KIAA1549: variants seen among roughly 807,000 people sequenced by gnomAD.
KIAA1549 encodes the protein UPF0606 protein KIAA1549.
Under a neutral mutation model 156.4 loss-of-function variants are expected in KIAA1549, and 70 were observed. The observed-to-expected ratio is 0.45, with a 90% CI of 0.37 to 0.55. KIAA1549 has a LOEUF of 0.55. Ranked by LOEUF, KIAA1549 falls within the 20% of genes least tolerant of loss-of-function variation. The pLI, the probability that KIAA1549 is intolerant of heterozygous loss-of-function variation, is 0.00. For synonymous variants in KIAA1549, 1,103 were observed against 1,066.4 expected (o/e 1.03, Z -0.67); for missense variants, 2,428 against 2,540.9 (o/e 0.96, Z 0.96).
chr7:138,889,464 C>G (rs1327152558), intron 10 of KIAA1549, among the ~76,000 whole-genome samples: 1 of 152,202 alleles, frequency 6.6e-6, no homozygotes, highest in African/African-American at 2.4e-5. Context: ...GCTAAGAATT[C>G]TAAGGCATCA....
At chr7:138,891,297 C>G (rs536291382) in intron 10 of KIAA1549, among the ~76,000 whole-genome samples, 1 of 152,336 alleles carries the variant, frequency 6.6e-6, no homozygotes, top group African/African-American at 2.4e-5. Context: ...TAGAAGCAAC[C>G]AAGGGCAGTC....
intron 9 of KIAA1549, among the ~76,000 whole-genome samples, chr7:138,897,138 A>C (rs1811704840): frequency 6.6e-6 from 1 of 152,218 alleles, no homozygotes; most frequent in Admixed American, 6.5e-5. Context: ...TAGCTGTTTA[A>C]AATGTCAAGT....
intron 12 of KIAA1549, among the ~76,000 whole-genome samples, chr7:138,874,587 A>G (rs1377682911): frequency 6.6e-6 from 1 of 152,218 alleles, no homozygotes; most frequent in Non-Finnish European, 1.5e-5. Flanking sequence ...TAAACACTGC[A>G]CTGTTCTCAC....
chr7:138,907,525 G>A (rs959157515), intron 5 of KIAA1549, among the ~76,000 whole-genome samples: 2 of 152,196 alleles, frequency 1.3e-5, no homozygotes, highest in African/African-American at 4.8e-5. Flanking sequence ...CTGCAGCAGA[G>A]CCAAGGGCCA....
chr7:138,896,036 T>C (rs185111157), intron 9 of KIAA1549, among the ~76,000 whole-genome samples: 1 of 147,788 alleles, frequency 6.8e-6, no homozygotes, highest in Non-Finnish European at 1.5e-5. Flanking sequence ...CTCGGCCACT[T>C]CATGTCCTTC....
At chr7:138,909,271 T>A in intron 4 of KIAA1549, 150 bp from the exon 5 acceptor site, 1 of 807,962 alleles carries the variant, frequency 1.2e-6, no homozygotes, top group Non-Finnish European at 1.9e-6. Flanking sequence ...CTACGTATTT[T>A]CTCACGGAAA....
Position 138,918,568 on chromosome 7 carries a change from G to C in KIAA1549, c.1058C>G (p.Ala353Gly), listed in dbSNP as rs768378359. Residue 353 changes from alanine to glycine, a missense_variant, in exon 2 of 20, where the codon GCA becomes GGA. Transcript: ENST00000422774. The surrounding 1 kb of genome is among the most constrained non-coding windows in gnomAD (Gnocchi z 4.2). ...CAATGGAGAATGTGTCCTGCTGAAT[G>C]CAAGGGCTGCGTGCGATGCAGTCAC... ...PTVTASHAAL[A>G]FSRTHSPLLS... 7 of 1,613,940 alleles carry C rather than the reference G, an allele frequency of 4.3e-6. No homozygotes were observed. The South Asian group carries it at 7.7e-5, about 18-fold the overall frequency.
intron 1 of KIAA1549, among the ~76,000 whole-genome samples, chr7:138,964,355 C>A (rs1813950291): frequency 6.6e-6 from 1 of 152,164 alleles, no homozygotes; most frequent in Admixed American, 6.5e-5. Context: ...CACATGCCCA[C>A]CCCCAGGGTG....
intron 1 of KIAA1549, among the ~76,000 whole-genome samples, chr7:138,924,209 G>C (rs1169218161): frequency 7.6e-6 from 1 of 130,784 alleles, no homozygotes; most frequent in African/African-American, 2.9e-5. Flanking sequence ...TTTTTTTTTG[G>C]ATGTTCTTTT....
At position 138,973,333 on chromosome 7, in the gene KIAA1549, AT is replaced by A. The variant is rs140450175; in HGVS notation, c.187+7749del. Among the ~76,000 whole-genome samples, 1,253 of 152,332 alleles carry A rather than the reference AT, an allele frequency of 8.2e-3. 26 individuals carry two copies. The highest frequency in any genetic ancestry group is 0.029 in the African/African-American group (1,200 of 41,556). ...CTGTTTCAGTAGAGCTGGCTTGACC[AT>A]GAGTTGGGTTTTTAACAGGTGATTC... On this transcript the variant is annotated intron_variant, in intron 1 of 19. Coordinates refer to ENST00000422774, the MANE Select transcript of KIAA1549 (RefSeq NM_001164665.2).
chr7:138,840,053 G>C, intron 19 of KIAA1549, 80 bp downstream of exon 19: 1 of 1,309,670 alleles, frequency 7.6e-7, no homozygotes. Flanking sequence ...GCCTCCCAAA[G>C]TGCTGGGATT....
At chr7:138,838,278 T>A in intron 19 of KIAA1549, 118 bp from the exon 20 acceptor site, 1 of 1,058,452 alleles carries the variant, frequency 9.4e-7, no homozygotes, top group Non-Finnish European at 1.3e-6. Context: ...AACTCAGCCC[T>A]CTAACAGGGC....
chr7:138,861,384 A>G lies in KIAA1549; in HGVS notation c.5002T>C (p.Phe1668Leu), dbSNP rs756102974. 1 of 1,611,628 alleles carries G rather than the reference A, an allele frequency of 6.2e-7. No homozygotes were observed. Among genetic ancestry groups the G allele is most frequent in the Non-Finnish European group, 8.5e-7 (1 of 1,179,226 alleles). ...VELGRYPALP[F>L]PASQYIPPQP... is the part of the protein sequence containing the mutation. ...GGTGGGATGTACTGGGAGGCCGGGA[A>G]GGGAAGGGCTGGATACCTCCCCAGT... Residue 1668 changes from phenylalanine to leucine, a missense_variant, in exon 16 of 20, where the codon TTC (phenylalanine) becomes CTC (leucine). Around this residue, in one of 5 missense-constraint regions of KIAA1549, gnomAD observed 404 missense variants for 417.0 expected, o/e 0.97. Coordinates refer to ENST00000422774, the MANE Select transcript of KIAA1549 (RefSeq NM_001164665.2).
At chr7:138,971,907 T>C (rs113393991) in intron 1 of KIAA1549, among the ~76,000 whole-genome samples, 3,283 of 152,158 alleles carry the variant, frequency 0.022, 62 homozygotes, top group Non-Finnish European at 0.029. Flanking sequence ...ATGAAAACCA[T>C]GGGGGCCACT....
chr7:138,932,672 G>A (rs1433760831), intron 1 of KIAA1549, among the ~76,000 whole-genome samples: 4 of 152,164 alleles, frequency 2.6e-5, no homozygotes, highest in African/African-American at 9.7e-5. Flanking sequence ...GATGACAGCG[G>A]CTTAGAGTGG....
At chr7:138,900,212 CACTGTGA>C (rs1177664726) in intron 8 of KIAA1549, among the ~76,000 whole-genome samples, 1 of 152,212 alleles carries the variant, frequency 6.6e-6, no homozygotes, top group Non-Finnish European at 1.5e-5. Context: ...TTCACGATTT[CACTGTGA>C]ACTCCTTCTT....
In KIAA1549 at chr7:138,911,128, T is replaced by A; in HGVS notation, c.3145+18A>T. On this transcript the variant is annotated intron_variant, in intron 4 of 19. Transcript: ENST00000422774. ...AATTCTTTTTACAAATAAAAACAAC[T>A]ATGCTGAGCTGTCTCACCTGTTTGA... The A allele has an allele frequency of 6.8e-7, 1 of 1,462,486 alleles. No individual in the cohort carries two copies. Among genetic ancestry groups the A allele is most frequent in the Non-Finnish European group, 9.1e-7 (1 of 1,097,766 alleles). The allele number at this position is 1,462,486 out of a possible 1,614,324, so 90.6% of individuals were successfully genotyped here. A position where few individuals can be genotyped will look rare whatever the true frequency, so the allele number is the denominator to read the frequency against.
chr7:138,849,284 C>T (rs1423851941), intron 17 of KIAA1549, among the ~76,000 whole-genome samples: 1 of 151,980 alleles, frequency 6.6e-6, no homozygotes, highest in Admixed American at 6.6e-5. Context: ...CTTCCATCTA[C>T]TTCCTTTACA....
intron 9 of KIAA1549, among the ~76,000 whole-genome samples, chr7:138,894,964 C>A (rs1294117442): frequency 1.3e-5 from 2 of 152,200 alleles, no homozygotes; most frequent in African/African-American, 2.4e-5. Flanking sequence ...CCATCAAGTA[C>A]CGCAGGACTC....
Sources: gnomAD v4.1 joint callset for allele counts (sites outside exome capture counted in the v4.1 genomes callset) on GRCh38, gnomAD v4.1.1 for gene constraint, gnomAD v4.1.1 regional missense constraint, Gnocchi (gnomAD v3.1) non-coding constraint, MANE v1.5 for transcripts, NCBI Gene and HGNC (gene_info 2026-07-23, HGNC 2026-07-21) for gene names.